The following METTL15 variants were observed in gnomAD, a reference collection of about 807,000 sequenced individuals.
METTL15 encodes the protein methyltransferase 15, mitochondrial 12S rRNA N4-cytidine, also known as 12S rRNA N(4)-cytidine methyltransferase METTL15.
A neutral mutation model predicts 38.3 loss-of-function variants in METTL15; 34 were observed. The observed-to-expected ratio is 0.89, with a 90% CI of 0.68 to 1.18. The LOEUF (loss-of-function observed/expected upper bound fraction) is 1.18. Among genes scored for constraint, METTL15 ranks in the 50% most tolerant of loss-of-function variants. METTL15 has a pLI of 0.00. For synonymous variants in METTL15, 162 were observed against 170.9 expected (o/e 0.95, Z 0.41); for missense variants, 438 against 498.4 (o/e 0.88, Z 1.15).
intron 4 of METTL15, among the ~76,000 whole-genome samples, chr11:28,240,311 TA>T (rs1662316950): frequency 6.6e-6 from 1 of 152,206 alleles, no homozygotes; most frequent in Non-Finnish European, 1.5e-5. Context: ...GTGCTTTAAG[TA>T]ACAAAGTTAT....
In METTL15 at chr11:28,238,337, C is replaced by T. The variant is rs750001530; in HGVS notation, c.407+27139C>T. Among the ~76,000 whole-genome samples, 5 of 152,340 alleles carry T rather than the reference C, an allele frequency of 3.3e-5. No homozygotes were observed. The South Asian group carries it at 8.3e-4, about 25-fold the overall frequency. ...GGGCGCCCCTCCCCCAGCCTGGCTG[C>T]CGCCTTGCAGTTTGATCTCAGACTG... On this transcript the variant is annotated intron_variant, in intron 4 of 6. Transcript: ENST00000407364.
At chr11:28,374,564 GA>G (rs1850284055) in intron 5 of METTL15, among the ~76,000 whole-genome samples, 1 of 115,784 alleles carries the variant, frequency 8.6e-6, no homozygotes, top group Non-Finnish European at 2.0e-5. Context: ...GGAGATTTTG[GA>G]CTGAGACGAT....
At chr11:28,327,711 T>A (rs1249591198) in intron 6 of METTL15, 1 of 158,124 alleles carries the variant, frequency 6.3e-6, no homozygotes, top group East Asian at 1.8e-4. Flanking sequence ...TAACAAACTT[T>A]AATGTCAAAT....
At chr11:28,235,300 A>G (rs1853901589) in intron 4 of METTL15, among the ~76,000 whole-genome samples, 1 of 151,716 alleles carries the variant, frequency 6.6e-6, no homozygotes, top group Admixed American at 6.6e-5. Flanking sequence ...CTCTTTTTTG[A>G]TTCCATATGC....
At chr11:28,241,980 G>T (rs1038342375) in intron 4 of METTL15, among the ~76,000 whole-genome samples, 1 of 152,168 alleles carries the variant, frequency 6.6e-6, no homozygotes, top group Non-Finnish European at 1.5e-5. Context: ...GACATTGTCT[G>T]ACATGTTTTA....
intron 3 of METTL15, among the ~76,000 whole-genome samples, chr11:28,175,338 A>G (rs564553680): frequency 2.0e-5 from 3 of 152,186 alleles, no homozygotes; most frequent in Admixed American, 6.5e-5. Flanking sequence ...TTCTTAATCC[A>G]GTCTATCATT....
intron 2 of METTL15, among the ~76,000 whole-genome samples, chr11:28,110,694 C>A (rs1851682608): frequency 6.6e-6 from 1 of 152,178 alleles, no homozygotes; most frequent in African/African-American, 2.4e-5. Context: ...TTAAAAATTA[C>A]ATTTTCAAAC....
chr11:28,423,224 A>C (rs1850836288), intron 5 of METTL15, among the ~76,000 whole-genome samples: 1 of 152,076 alleles, frequency 6.6e-6, no homozygotes, highest in Non-Finnish European at 1.5e-5. Flanking sequence ...TAGAGAAAAG[A>C]GAACCCTTAT....
intron 6 of METTL15, among the ~76,000 whole-genome samples, chr11:28,430,510 G>GCC (rs559980507): frequency 4.7e-4 from 2 of 4,288 alleles, no homozygotes; most frequent in Admixed American, 1.3e-3. Flanking sequence ...GGGGGGGTCA[G>GCC]CCCCCCACCC....
intron 6 of METTL15, among the ~76,000 whole-genome samples, chr11:28,430,355 T>G (rs1237658634): frequency 6.9e-4 from 3 of 4,360 alleles, no homozygotes; most frequent in Admixed American, 3.3e-3. Context: ...CGGCCAGCCG[T>G]GCCATCCGGG....
chr11:28,377,263 T>G (rs1238452850), intron 5 of METTL15, among the ~76,000 whole-genome samples: 7 of 151,010 alleles, frequency 4.6e-5, no homozygotes, highest in Non-Finnish European at 8.9e-5. Context: ...GTTTTCCAAC[T>G]TGGTTCCATT....
chr11:28,209,811 A>C (rs908262362), intron 3 of METTL15, among the ~76,000 whole-genome samples: 2 of 152,016 alleles, frequency 1.3e-5, no homozygotes, highest in Non-Finnish European at 2.9e-5. Flanking sequence ...GCATGGAAAT[A>C]TATTCAAATC....
At chr11:28,418,723 T>C (rs1850794863) in intron 5 of METTL15, among the ~76,000 whole-genome samples, 1 of 152,140 alleles carries the variant, frequency 6.6e-6, no homozygotes, top group Non-Finnish European at 1.5e-5. Flanking sequence ...CCCTCCCCCA[T>C]CCTTCTGCAG....
chr11:28,468,805 T>C (rs1851278889), intron 6 of METTL15, among the ~76,000 whole-genome samples: 1 of 152,190 alleles, frequency 6.6e-6, no homozygotes, highest in South Asian at 2.1e-4. Flanking sequence ...CTTAATTGTC[T>C]TTGTATCTTA....
At chr11:28,330,307 T>G (rs1441206914) in intron 6 of METTL15, 89 bp from the exon 7 acceptor site, 2 of 1,181,696 alleles carry the variant, frequency 1.7e-6, no homozygotes, top group Non-Finnish European at 2.3e-6. Flanking sequence ...TCACTAAATA[T>G]GCACACAACT....
At chr11:28,430,634 C>G (rs1195798198) in intron 6 of METTL15, among the ~76,000 whole-genome samples, 4 of 66,922 alleles carry the variant, frequency 6.0e-5, no homozygotes, top group South Asian at 7.0e-4. Context: ...GCCACCCCGT[C>G]TGGGAGGTGA....
chr11:28,450,525 AT>A (rs764746590), intron 6 of METTL15, among the ~76,000 whole-genome samples: 2 of 152,222 alleles, frequency 1.3e-5, no homozygotes, highest in Non-Finnish European at 2.9e-5. Flanking sequence ...GTAAAAGCTT[AT>A]TGAATGTTGA....
At chr11:28,390,326 T>A (rs1390003231) in intron 5 of METTL15, among the ~76,000 whole-genome samples, 23 of 151,520 alleles carry the variant, frequency 1.5e-4, no homozygotes, top group African/African-American at 4.8e-4. Context: ...TGAATGGTAA[T>A]GCCTAGGTTT....
rs578174387 is a variant in METTL15, at chr11:28,299,714, C to T, written c.778+2783C>T. Among the ~76,000 whole-genome samples the T allele has an allele frequency of 1.8e-4, 27 of 152,204 alleles. 2 individuals carry two copies. Among genetic ancestry groups the T allele is most frequent in the South Asian group, 4.1e-4 (2 of 4,822 alleles). On this transcript the variant is annotated intron_variant, in intron 6 of 6. Coordinates refer to ENST00000407364, the MANE Select transcript of METTL15 (RefSeq NM_001113528.2). ...GCACAAGTTCCTGTATGGGTTTCCT[C>T]GGGCTGCTGCTACTAAGTACTACAA... is the stretch of plus-strand genomic sequence containing the variant.
Sources: gnomAD v4.1 joint callset for allele counts (sites outside exome capture counted in the v4.1 genomes callset) on GRCh38, gnomAD v4.1.1 for gene constraint, MANE v1.5 for transcripts, NCBI Gene and HGNC (gene_info 2026-07-23, HGNC 2026-07-21) for gene names.